TMEM123: variants seen among roughly 807,000 people sequenced by gnomAD.
The protein encoded by TMEM123 is transmembrane protein 123.
A neutral mutation model predicts 19.7 loss-of-function variants in TMEM123; 16 were observed. The observed-to-expected ratio is 0.81, with a 90% CI of 0.55 to 1.23. The LOEUF is 1.23. TMEM123 is among the 50% of genes most tolerant of loss of function. TMEM123 has a pLI of 0.00. For missense variants in TMEM123, 313 were observed against 257.8 expected (o/e 1.21, Z -1.47); for synonymous variants, 118 against 99.4 (o/e 1.19, Z -1.12).
intron 2 of TMEM123, among the ~76,000 whole-genome samples, chr11:102,409,609 G>A (rs926209030): frequency 2.0e-5 from 3 of 152,082 alleles, no homozygotes; most frequent in African/African-American, 4.8e-5. Flanking sequence ...GCTCATACCT[G>A]TAATCCCAGC....
At chr11:102,443,970 G>C (rs1471052367) in intron 2 of TMEM123, among the ~76,000 whole-genome samples, 2 of 152,192 alleles carry the variant, frequency 1.3e-5, no homozygotes, top group African/African-American at 4.8e-5. Context: ...GGTCATCAGA[G>C]AAATGCAAAT....
chr11:102,429,357 C>T (rs1034935195), intron 2 of TMEM123, among the ~76,000 whole-genome samples: 5 of 152,146 alleles, frequency 3.3e-5, no homozygotes, highest in Admixed American at 6.5e-5. Context: ...TTCATAATCA[C>T]GCTTACGGTT....
At chr11:102,423,187 A>G (rs1341940916) in intron 2 of TMEM123, among the ~76,000 whole-genome samples, 1 of 152,230 alleles carries the variant, frequency 6.6e-6, no homozygotes, top group Admixed American at 6.5e-5. Flanking sequence ...AAACATGCAA[A>G]TGAATGAGAT....
At chr11:102,437,733 T>C (rs1857779541) in intron 2 of TMEM123, among the ~76,000 whole-genome samples, 1 of 152,186 alleles carries the variant, frequency 6.6e-6, no homozygotes, top group African/African-American at 2.4e-5. Flanking sequence ...CCCAGAGACA[T>C]TAACAAGAAT....
chr11:102,449,866 C>T (rs1857921010), intron 1 of TMEM123, among the ~76,000 whole-genome samples: 1 of 152,154 alleles, frequency 6.6e-6, no homozygotes, highest in South Asian at 2.1e-4. Context: ...AACTGAGGCC[C>T]AGAGAAGGCC....
chr11:102,431,885 G>GT (rs1244743662), intron 2 of TMEM123, among the ~76,000 whole-genome samples: 1 of 152,110 alleles, frequency 6.6e-6, no homozygotes, highest in Non-Finnish European at 1.5e-5. Flanking sequence ...AGATCTGATG[G>GT]TTTTTTAAGC....
At chr11:102,439,132 G>C (rs576717781) in intron 2 of TMEM123, among the ~76,000 whole-genome samples, 1 of 152,316 alleles carries the variant, frequency 6.6e-6, no homozygotes, top group East Asian at 1.9e-4. Context: ...AAGGAGGCCT[G>C]CCTGCCTCTG....
At chr11:102,421,089 T>G (rs1952082195) in intron 2 of TMEM123, among the ~76,000 whole-genome samples, 1 of 152,088 alleles carries the variant, frequency 6.6e-6, no homozygotes, top group South Asian at 2.1e-4. Context: ...AAACAGACTT[T>G]AGGCAGAAAA....
intron 2 of TMEM123, among the ~76,000 whole-genome samples, chr11:102,426,347 C>T (rs960859650): frequency 1.3e-5 from 2 of 152,160 alleles, no homozygotes; most frequent in Admixed American, 6.5e-5. Flanking sequence ...TACATTAACT[C>T]ATTTAATCCT....
At chr11:102,402,336 G>C in intron 2 of TMEM123, 130 bp from the exon 3 acceptor site, 1 of 914,054 alleles carries the variant, frequency 1.1e-6, no homozygotes, top group Admixed American at 2.7e-5. Flanking sequence ...AACATACTTA[G>C]CCCATTAATA....
rs761455836 is a variant in TMEM123, at chr11:102,398,816, A to AATTG, written c.*47_*50dup. The stretch of plus-strand genomic sequence containing the variant: ...TTTAAACTATTAATAAACCAAAATT[A>AATTG]ATTGATAGGGCAGCATCAATCTGTA... On this transcript the variant is annotated 3_prime_UTR_variant, in exon 5 of 5. Transcript: ENST00000398136. The AATTG allele has an allele frequency of 6.3e-7, 1 of 1,583,680 alleles. No individual in the cohort carries two copies. The highest frequency in any genetic ancestry group is 1.2e-5 in the South Asian group (1 of 86,244).
intron 4 of TMEM123, among the ~76,000 whole-genome samples, chr11:102,400,910 CAA>C (rs1338514384): frequency 6.6e-6 from 1 of 151,936 alleles, no homozygotes; most frequent in Non-Finnish European, 1.5e-5. Context: ...CTCAAAAAAA[CAA>C]AAACAAAAAG....
At chr11:102,434,738 T>G (rs1296808764) in intron 2 of TMEM123, among the ~76,000 whole-genome samples, 1 of 151,964 alleles carries the variant, frequency 6.6e-6, no homozygotes, top group Admixed American at 6.6e-5. Context: ...TTAACTCATT[T>G]TGAGTTGATT....
intron 2 of TMEM123, among the ~76,000 whole-genome samples, chr11:102,420,316 C>A (rs1348992109): frequency 6.6e-6 from 1 of 152,282 alleles, no homozygotes; most frequent in Middle Eastern, 3.4e-3. Context: ...ACTAAGAGAA[C>A]AGCAAATGTC....
intron 2 of TMEM123, among the ~76,000 whole-genome samples, chr11:102,438,143 A>G (rs672503): frequency 0.93 from 141,410 of 152,212 alleles, 65,771 homozygotes; most frequent in East Asian, 1. Flanking sequence ...AATCTCTGCC[A>G]CCCGGGATCA....
intron 2 of TMEM123, among the ~76,000 whole-genome samples, chr11:102,442,314 C>A (rs376389409): frequency 6.6e-6 from 1 of 152,118 alleles, no homozygotes; most frequent in Non-Finnish European, 1.5e-5. Context: ...ACTGGCAAAC[C>A]GAATCCAGCA....
intron 2 of TMEM123, among the ~76,000 whole-genome samples, chr11:102,413,231 A>G (rs1952018846): frequency 2.0e-5 from 3 of 152,206 alleles, no homozygotes; most frequent in African/African-American, 7.2e-5. Context: ...TAAATGTGAG[A>G]CTTATACTTC....
At chr11:102,418,335 G>A (rs982400369) in intron 2 of TMEM123, among the ~76,000 whole-genome samples, 1 of 151,548 alleles carries the variant, frequency 6.6e-6, no homozygotes, top group Admixed American at 6.6e-5. Flanking sequence ...TAAATGAACA[G>A]GCAAAAAACA....
At chr11:102,421,820 T>C (rs928417377) in intron 2 of TMEM123, among the ~76,000 whole-genome samples, 1 of 152,202 alleles carries the variant, frequency 6.6e-6, no homozygotes, top group Non-Finnish European at 1.5e-5. Context: ...TAGATGCTTT[T>C]CATATTTTTA....
Sources: allele counts gnomAD v4.1 joint callset (sites outside exome capture counted in the v4.1 genomes callset), GRCh38; gene constraint gnomAD v4.1.1; transcripts MANE v1.5; gene names NCBI Gene and HGNC (gene_info 2026-07-23, HGNC 2026-07-21).